FBXL17: variants seen among roughly 807,000 people sequenced by gnomAD.
FBXL17 encodes the protein F-box and leucine rich repeat protein 17.
FBXL17 carries 22 observed loss-of-function variants against 66.2 expected under a neutral mutation model. The observed-to-expected ratio is 0.33, with a 90% CI of 0.24 to 0.47. The LOEUF is 0.47. Among genes scored for constraint, FBXL17 ranks in the 20% least tolerant of loss-of-function variants. The pLI, the probability that FBXL17 is intolerant of heterozygous loss-of-function variation, is 1.00. For missense variants in FBXL17, 878 were observed against 948.2 expected (o/e 0.93, Z 0.97); for synonymous variants, 474 against 400.5 (o/e 1.18, Z -2.19).
chr5:108,380,965 G>T lies in FBXL17; in HGVS notation c.727C>A (p.Pro243Thr). 1 of 1,220,916 alleles carries T rather than the reference G, an allele frequency of 8.2e-7. No individual in the cohort carries two copies. Among genetic ancestry groups the T allele is most frequent in the Non-Finnish European group, 1.0e-6 (1 of 980,342 alleles). The allele number at this position is 1,220,916 out of a possible 1,614,324, so 75.6% of individuals were successfully genotyped here. A position where few individuals can be genotyped will look rare whatever the true frequency, so the allele number is the denominator to read the frequency against. Residue 243 changes from proline (P) to threonine (T), a missense_variant, in exon 1 of 9, where the codon CCC becomes ACC. Pro to Thr is a conservative substitution (Grantham distance 38, BLOSUM62 -1). Coordinates refer to ENST00000542267, the MANE Select transcript of FBXL17 (RefSeq NM_001163315.3). ...GGGGCCTGGCAGCAGCCGGCGTCGG[G>T]GGGCCGGGGCGGCGAAGCGCCTCCC... Reference protein sequence around the residue: ...AGGGASPPRPPDAGCCQAPEQ... With the variant: ...AGGGASPPRPTDAGCCQAPEQ...
At chr5:108,003,869 A>T (rs1384833886) in intron 7 of FBXL17, among the ~76,000 whole-genome samples, 1 of 152,200 alleles carries the variant, frequency 6.6e-6, no homozygotes, top group Non-Finnish European at 1.5e-5. Flanking sequence ...ATATATGGCT[A>T]AATGTCCAGA....
At chr5:108,127,430 C>G (rs1416614305) in intron 6 of FBXL17, among the ~76,000 whole-genome samples, 1 of 152,154 alleles carries the variant, frequency 6.6e-6, no homozygotes, top group South Asian at 2.1e-4. Flanking sequence ...TATGAAATTA[C>G]CATTAGTGCT....
At chr5:108,246,585 G>T (rs1190852531) in intron 4 of FBXL17, among the ~76,000 whole-genome samples, 6 of 152,176 alleles carry the variant, frequency 3.9e-5, no homozygotes, top group Non-Finnish European at 7.3e-5. Context: ...AAAAGGACTG[G>T]ATTTGAATCA....
At chr5:108,193,163 A>G (rs1241287622) in intron 5 of FBXL17, among the ~76,000 whole-genome samples, 2 of 152,216 alleles carry the variant, frequency 1.3e-5, no homozygotes, top group Non-Finnish European at 2.9e-5. Context: ...AGCAAAGTCA[A>G]GGGTTAAGAC....
At chr5:108,171,583 C>A (rs1396811762) in intron 6 of FBXL17, among the ~76,000 whole-genome samples, 2 of 152,186 alleles carry the variant, frequency 1.3e-5, no homozygotes, top group African/African-American at 4.8e-5. Context: ...AAGTCAGTAT[C>A]TTAGTCATTT....
intron 4 of FBXL17, among the ~76,000 whole-genome samples, chr5:108,237,370 T>C (rs1216611022): frequency 6.6e-6 from 1 of 152,102 alleles, no homozygotes; most frequent in Admixed American, 6.5e-5. Context: ...GTGAGATCTC[T>C]GGGAATATTT....
At chr5:108,110,416 T>C (rs976728923) in intron 6 of FBXL17, among the ~76,000 whole-genome samples, 4 of 105,786 alleles carry the variant, frequency 3.8e-5, no homozygotes, top group South Asian at 5.6e-4. Context: ...ATCACAGCTA[T>C]GTCATACAAA....
Position 108,381,674 on chromosome 5 carries a change from C to T in FBXL17, c.18G>A (p.Ser6=). 2 of 1,474,082 alleles carry T rather than the reference C, an allele frequency of 1.4e-6. No individual in the cohort carries two copies. Among genetic ancestry groups the T allele is most frequent in the South Asian group, 2.6e-5 (2 of 78,376 alleles). 91.3% of individuals were successfully genotyped at this position (1,474,082 alleles called of 1,614,324 possible). Residue 6 remains serine (S), a synonymous_variant, in exon 1 of 9, where the codon TCG becomes TCA. Coordinates refer to ENST00000542267, the MANE Select transcript of FBXL17 (RefSeq NM_001163315.3). ...GGCTCGGGCGGTTACGCGGCTCCTT[C>T]GAGAGAAGGTGGCCCATATAGAAGG... The part of the protein sequence containing the change: MGHLL[S]KEPRNRPSQK...
intron 7 of FBXL17, among the ~76,000 whole-genome samples, chr5:107,981,577 T>C (rs1752830620): frequency 6.6e-6 from 1 of 152,236 alleles, no homozygotes. Context: ...CCATTCCGCT[T>C]TGAGTGTCCC....
At chr5:108,114,244 GTTTA>G in intron 6 of FBXL17, among the ~76,000 whole-genome samples, 1 of 152,146 alleles carries the variant, frequency 6.6e-6, no homozygotes, top group Middle Eastern at 3.4e-3. Flanking sequence ...CTTTACAATT[GTTTA>G]TTTATTGTGC....
At chr5:108,011,787 G>T (rs1166642592) in intron 7 of FBXL17, among the ~76,000 whole-genome samples, 1 of 152,162 alleles carries the variant, frequency 6.6e-6, no homozygotes, top group Non-Finnish European at 1.5e-5. Context: ...TCTCGCCACT[G>T]CACTCTAGCC....
intron 5 of FBXL17, among the ~76,000 whole-genome samples, chr5:108,203,005 T>G (rs930341295): frequency 2.0e-5 from 3 of 152,070 alleles, no homozygotes; most frequent in Non-Finnish European, 4.4e-5. Context: ...TAAACAAACA[T>G]AGTTATTAAT....
chr5:108,110,948 C>T (rs1580455444), intron 6 of FBXL17, among the ~76,000 whole-genome samples: 1 of 152,150 alleles, frequency 6.6e-6, no homozygotes, highest in African/African-American at 2.4e-5. Flanking sequence ...CTTTCCTCCT[C>T]CCTAATACAT....
In FBXL17 at chr5:108,370,745, A is replaced by G. The variant is rs548023993; in HGVS notation, c.994-2792T>C. 6.8e-3 allele frequency among the ~76,000 whole-genome samples: 942 copies of G among 138,656 alleles called. 5 individuals carry two copies. The highest frequency in any genetic ancestry group is 0.012 in the Non-Finnish European group (731 of 62,082). 91.0% of individuals were successfully genotyped at this position (138,656 alleles called of 152,430 possible). Reference sequence around the variant, plus strand: ...GCAACAGAGCAAGACTCCTTCTCGGAAAAAAAAAAAAAAAATCATGAAAGT... The same window carrying G: ...GCAACAGAGCAAGACTCCTTCTCGGGAAAAAAAAAAAAAAATCATGAAAGT... On this transcript the variant is annotated intron_variant, in intron 1 of 8. Transcript: ENST00000542267.
chr5:108,323,226 A>T (rs1306145842), intron 4 of FBXL17, among the ~76,000 whole-genome samples: 5 of 151,894 alleles, frequency 3.3e-5, no homozygotes. Flanking sequence ...CACATACAAA[A>T]GAACTATTAT....
At chr5:107,923,395 C>T (rs1750387896) in intron 7 of FBXL17, among the ~76,000 whole-genome samples, 1 of 152,182 alleles carries the variant, frequency 6.6e-6, no homozygotes, top group Admixed American at 6.5e-5. Flanking sequence ...GGAATGGCTG[C>T]GATATAGGCC....
At chr5:107,976,705 T>C (rs986570013) in intron 7 of FBXL17, among the ~76,000 whole-genome samples, 2 of 152,226 alleles carry the variant, frequency 1.3e-5, no homozygotes, top group African/African-American at 4.8e-5. Context: ...ACATTATTTT[T>C]TCCTCCTGCT....
chr5:108,219,676 C>T (rs1011469024), intron 5 of FBXL17, among the ~76,000 whole-genome samples: 1 of 151,866 alleles, frequency 6.6e-6, no homozygotes, highest in African/African-American at 2.4e-5. Context: ...AAGATTGAAA[C>T]TCTATCTCAA....
chr5:108,107,097 A>T (rs1749828455), intron 6 of FBXL17, among the ~76,000 whole-genome samples: 1 of 152,174 alleles, frequency 6.6e-6, no homozygotes, highest in Non-Finnish European at 1.5e-5. Flanking sequence ...TTTGAGACAG[A>T]GTCTCACTCT....
Sources: allele counts gnomAD v4.1 joint callset (sites outside exome capture counted in the v4.1 genomes callset), GRCh38; gene constraint gnomAD v4.1.1; transcripts MANE v1.5; gene names NCBI Gene and HGNC (gene_info 2026-07-23, HGNC 2026-07-21).